Variants in PIK3C2B observed in about 807,000 individuals in gnomAD.
PIK3C2B encodes the protein phosphatidylinositol-4-phosphate 3-kinase catalytic subunit type 2 beta.
A neutral mutation model predicts 184.3 loss-of-function variants in PIK3C2B; 83 were observed. The ratio of observed to expected loss-of-function variants is 0.45; its 90% CI spans 0.38 to 0.54. The LOEUF (loss-of-function observed/expected upper bound fraction) is 0.54. Among genes scored for constraint, PIK3C2B ranks in the 20% least tolerant of loss-of-function variants. The probability of loss-of-function intolerance (pLI) is 0.00; values close to 1 mark genes in which losing one functional copy is unlikely to be tolerated. For synonymous variants in PIK3C2B, 779 were observed against 837.6 expected (o/e 0.93, Z 1.21); for missense variants, 1,736 against 2,113.5 (o/e 0.82, Z 3.50).
chr1:204,473,564 A>G (rs1219839344), intron 1 of PIK3C2B, among the ~76,000 whole-genome samples: 3 of 152,218 alleles, frequency 2.0e-5, no homozygotes, highest in African/African-American at 7.2e-5. Context: ...TCAAAGTTGG[A>G]TTGGGCTTAA....
intron 9 of PIK3C2B, 137 bp from the exon 10 acceptor site, chr1:204,457,207 G>T: frequency 1.4e-6 from 1 of 698,108 alleles, no homozygotes; most frequent in Non-Finnish European, 2.5e-6. Context: ...TCCCCAGAGA[G>T]GAGAGAGTAA....
Position 204,447,285 on chromosome 1 carries a change from T to G in PIK3C2B, c.2489+151A>C. 4 of 668,040 alleles carry G rather than the reference T, an allele frequency of 6.0e-6. No individual in the cohort carries two copies. Among genetic ancestry groups the G allele is most frequent in the Non-Finnish European group, 1.0e-5 (4 of 396,868 alleles). The allele number at this position is 668,040 out of a possible 1,614,324, so 41.4% of individuals were successfully genotyped here. A position where few individuals can be genotyped will look rare whatever the true frequency, so the allele number is the denominator to read the frequency against. The stretch of plus-strand genomic sequence containing the variant: ...CCTCTCCACTTTTCCTAGTGTCAGC[T>G]GATGGAGAAAGGCCTGGGGGCTGCC... On this transcript the variant is annotated intron_variant, in intron 15 of 32. Transcript: ENST00000684373. This position sits in a 1 kb window ranked among gnomAD's most constrained non-coding sequence, Gnocchi z 4.1.
intron 21 of PIK3C2B, among the ~76,000 whole-genome samples, chr1:204,440,968 A>C (rs1675626819): frequency 6.6e-6 from 1 of 152,224 alleles, no homozygotes; most frequent in Admixed American, 6.5e-5. Flanking sequence ...ACTTGCGCAT[A>C]GCAAATATAT....
Position 204,429,941 on chromosome 1 carries a change from C to T in PIK3C2B, c.4378G>A (p.Ala1460Thr), listed in dbSNP as rs866176171. ...CCCACCTCGGCCACCTCAGGGGGTG[C>T]GTGGATCAAGTGCCAGATGTAACCG... ...LNGYIWHLIH[A>T]PPEVAECDLV... Residue 1460 changes from alanine to threonine, a missense_variant, in exon 29 of 33, where the codon GCA becomes ACA. Transcript: ENST00000684373. 7.4e-6 allele frequency: 12 copies of T among 1,610,872 alleles called. No homozygotes were observed. The highest frequency in any genetic ancestry group is 1.6e-4 in the Middle Eastern group (1 of 6,078).
intron 28 of PIK3C2B, chr1:204,431,237 G>A (rs887709071): frequency 2.5e-5 from 6 of 240,784 alleles, no homozygotes; most frequent in African/African-American, 9.0e-5. Context: ...GAATCGTGCC[G>A]TTTTTGTTTT....
At position 204,432,343 on chromosome 1, in the gene PIK3C2B, G is replaced by C. The variant is rs775762655; in HGVS notation, c.4012C>G (p.Leu1338Val). The C allele has an allele frequency of 6.2e-7, 1 of 1,614,020 alleles. No individual in the cohort carries two copies. Residue 1338 changes from leucine to valine, a missense_variant, in exon 27 of 33, where the codon CTG (leucine) becomes GTG (valine). This residue lies in a region of PIK3C2B where 119 missense variants were observed against 179.3 expected (regional missense o/e 0.66). Coordinates refer to ENST00000684373, the MANE Select transcript of PIK3C2B (RefSeq NM_001377334.1). ...ATKLNFFIHN[L>V]AQMKFTGSDD... ...GAGCCCGTGAACTTCATCTGAGCCA[G>C]ATTATGGATGAAAAAATTGAGCTTT...
Position 204,458,945 on chromosome 1 carries a change from C to T in PIK3C2B, c.1566+933G>A, listed in dbSNP as rs1655095245. Among the ~76,000 whole-genome samples, 3 of 152,336 alleles carry T rather than the reference C, an allele frequency of 2.0e-5. No individual in the cohort carries two copies. The East Asian group carries it at 5.8e-4, about 29-fold the overall frequency. On this transcript the variant is annotated intron_variant, in intron 8 of 32. Transcript: ENST00000684373. ...AGAAGGGATTCTGGCAGTGACTAGA[C>T]ATAATGCTGAACCCCTCAAAAAGGA...
In PIK3C2B at chr1:204,469,689, G is replaced by A. The variant is rs1410429327; in HGVS notation, c.114C>T (p.Ser38=). 1.2e-6 allele frequency: 2 copies of A among 1,613,880 alleles called. No homozygotes were observed. Among genetic ancestry groups the A allele is most frequent in the African/African-American group, 1.3e-5 (1 of 74,878 alleles). The change falls in exon 2 of 33, where the codon TCC becomes TCT. Residue 38 remains serine (S), a synonymous_variant. Coordinates refer to ENST00000684373, the MANE Select transcript of PIK3C2B (RefSeq NM_001377334.1). ...TCTCCTCCTTGTCATGCCGGAGCCG[G>A]GACAGGGCATCATACTCCATCTGCA... ...EALQMEYDAL[S]RLRHDKEENR...
At chr1:204,479,539 T>C (rs1050170374) in intron 1 of PIK3C2B, among the ~76,000 whole-genome samples, 6 of 152,018 alleles carry the variant, frequency 3.9e-5, no homozygotes, top group African/African-American at 1.4e-4. Context: ...CCCTAAACGC[T>C]CTGAAAATAC....
At chr1:204,489,262 G>A (rs774974940) in intron 1 of PIK3C2B, among the ~76,000 whole-genome samples, 1 of 151,960 alleles carries the variant, frequency 6.6e-6, no homozygotes, top group Non-Finnish European at 1.5e-5. Context: ...CAAACTCCTG[G>A]GCTCAAAAGA....
intron 1 of PIK3C2B, among the ~76,000 whole-genome samples, chr1:204,491,572 A>G (rs1285690367): frequency 6.6e-6 from 1 of 152,112 alleles, no homozygotes; most frequent in Admixed American, 6.5e-5. Context: ...GCATGCCTAT[A>G]GTCCAAGCTA....
chr1:204,440,652 A>C (rs573365064), intron 21 of PIK3C2B, among the ~76,000 whole-genome samples: 1 of 136,106 alleles, frequency 7.3e-6, no homozygotes, highest in Admixed American at 8.1e-5. Context: ...GCTGGAGTGC[A>C]GTGGCACGAT....
rs750577606 is a variant in PIK3C2B, at chr1:204,427,758, T to C, written c.4481-4A>G. On this transcript the variant is annotated splice_polypyrimidine_tract_variant and splice_region_variant and intron_variant, in intron 30 of 32. Transcript: ENST00000684373. Reference sequence around the variant, plus strand: ...ACGGGCCGGGCCCATGTGCCATCTGTAGGGACAAATGAAACCATGAAGGGT... The same window carrying C: ...ACGGGCCGGGCCCATGTGCCATCTGCAGGGACAAATGAAACCATGAAGGGT... 9.2e-5 allele frequency: 147 copies of C among 1,606,078 alleles called. No homozygotes were observed. The highest frequency in any genetic ancestry group is 4.0e-4 in the Admixed American group (24 of 59,980).
chr1:204,486,586 C>T (rs1301449466), intron 1 of PIK3C2B, among the ~76,000 whole-genome samples: 3 of 151,460 alleles, frequency 2.0e-5, no homozygotes, highest in Non-Finnish European at 2.9e-5. Context: ...AAAAAGTAGC[C>T]GGGCATGAAG....
At chr1:204,465,902 A>C (rs61761690) in intron 2 of PIK3C2B, among the ~76,000 whole-genome samples, 4,219 of 152,334 alleles carry the variant, frequency 0.028, 140 homozygotes, top group East Asian at 0.08. Context: ...GCGTCAAAGC[A>C]GTGGTCTGGG....
chr1:204,438,392 C>T (rs1320654592), intron 23 of PIK3C2B, among the ~76,000 whole-genome samples: 1 of 152,194 alleles, frequency 6.6e-6, no homozygotes, highest in African/African-American at 2.4e-5. Context: ...TCATCAGGAA[C>T]CAGCCAGCCC....
At chr1:204,490,610 T>C (rs900809687) in intron 1 of PIK3C2B, among the ~76,000 whole-genome samples, 6 of 152,062 alleles carry the variant, frequency 3.9e-5, no homozygotes, top group Non-Finnish European at 7.4e-5. Context: ...CCAGTTTTGA[T>C]ACTCTATGTG....
chr1:204,483,244 T>G (rs1385229370), intron 1 of PIK3C2B, among the ~76,000 whole-genome samples: 2 of 151,884 alleles, frequency 1.3e-5, no homozygotes, highest in African/African-American at 4.8e-5. Flanking sequence ...AAACATAGAC[T>G]CCATCTTTAC....
chr1:204,433,718 G>C lies in PIK3C2B; in HGVS notation c.3843+75C>G. 7.2e-7 allele frequency: 1 copy of C among 1,381,538 alleles called. No homozygotes were observed. The highest frequency in any genetic ancestry group is 1.0e-6 in the Non-Finnish European group (1 of 978,054). The allele number at this position is 1,381,538 out of a possible 1,614,324, so 85.6% of individuals were successfully genotyped here. A position where few individuals can be genotyped will look rare whatever the true frequency, so the allele number is the denominator to read the frequency against. On this transcript the variant is annotated intron_variant, in intron 25 of 32. Transcript: ENST00000684373. The surrounding 1 kb of genome is among the most constrained non-coding windows in gnomAD (Gnocchi z 5.0). Reference sequence around the variant, plus strand: ...AGGTAAATCTCTAGAAATCCTCTGCGGCAAGACAGGGAAGTCTTAAAGATG... The same window carrying C: ...AGGTAAATCTCTAGAAATCCTCTGCCGCAAGACAGGGAAGTCTTAAAGATG...
Sources: allele counts gnomAD v4.1 joint callset (sites outside exome capture counted in the v4.1 genomes callset), GRCh38; gene constraint gnomAD v4.1.1; regional missense constraint gnomAD v4.1.1; non-coding constraint Gnocchi (gnomAD v3.1); transcripts MANE v1.5; gene names NCBI Gene and HGNC (gene_info 2026-07-23, HGNC 2026-07-21).